VDAC1: variants seen among roughly 807,000 people sequenced by gnomAD.
VDAC1 encodes non-selective voltage-gated ion channel VDAC1.
Under a neutral mutation model 34.7 loss-of-function variants are expected in VDAC1, and 10 were observed. That is an observed-to-expected ratio of 0.29 (90% confidence interval 0.18 to 0.49). VDAC1 has a LOEUF of 0.49. Among genes scored for constraint, VDAC1 ranks in the 20% least tolerant of loss-of-function variants. The pLI is 0.99. For synonymous variants in VDAC1, 130 were observed against 136.0 expected (o/e 0.96, Z 0.30); for missense variants, 230 against 347.9 (o/e 0.66, Z 2.69).
At chr5:134,037,717 G>A in the VDAC1 span, among the ~76,000 whole-genome samples, 1 of 152,066 alleles carries the variant, frequency 6.6e-6, no homozygotes, top group Non-Finnish European at 1.5e-5. Flanking sequence ...AAAAACCCTT[G>A]CTTGTAAGCC....
chr5:133,972,976 C>T (rs1752355102), intron 8 of VDAC1, 114 bp from the exon 9 acceptor site: 2 of 783,214 alleles, frequency 2.6e-6, no homozygotes, highest in East Asian at 5.2e-5. Context: ...AGGGTCCAAA[C>T]TACATGGCCC....
chr5:134,057,959 T>C, the VDAC1 span, among the ~76,000 whole-genome samples: 11 of 150,566 alleles, frequency 7.3e-5, no homozygotes, highest in African/African-American at 2.7e-4. Flanking sequence ...TGCAGTGGCA[T>C]GATCTTGGCT....
At chr5:134,055,599 T>TG in the VDAC1 span, among the ~76,000 whole-genome samples, 463 of 134,888 alleles carry the variant, frequency 3.4e-3, 10 homozygotes, top group African/African-American at 0.012. Flanking sequence ...TTTTTTTTTT[T>TG]TTTTTTTTTT....
At chr5:133,988,884 T>C (rs1426911674) in intron 5 of VDAC1, 4 of 152,110 alleles carry the variant, frequency 2.6e-5, no homozygotes, top group African/African-American at 9.7e-5. Flanking sequence ...AATTCCAAAG[T>C]GTGCTATCCC....
chr5:133,987,322 C>G (rs1752942551), intron 5 of VDAC1, among the ~76,000 whole-genome samples: 1 of 151,902 alleles, frequency 6.6e-6, no homozygotes, highest in South Asian at 2.1e-4. Context: ...GATCATACCA[C>G]TGCACTCCAG....
chr5:134,019,848 T>G, the VDAC1 span, among the ~76,000 whole-genome samples: 1 of 152,126 alleles, frequency 6.6e-6, no homozygotes, highest in Admixed American at 6.5e-5. Flanking sequence ...TTCTCTAGCC[T>G]CCTCCTGAAT....
the VDAC1 span, among the ~76,000 whole-genome samples, chr5:134,109,091 A>C: frequency 6.6e-6 from 1 of 151,434 alleles, no homozygotes; most frequent in South Asian, 2.1e-4. Flanking sequence ...GGGCCTGCTA[A>C]CTACTTCCTG....
At chr5:134,041,157 G>A in the VDAC1 span, among the ~76,000 whole-genome samples, 1 of 152,222 alleles carries the variant, frequency 6.6e-6, no homozygotes. Context: ...TTCTCTTGAT[G>A]CTTCAAAGAC....
At chr5:134,039,100 G>A in the VDAC1 span, among the ~76,000 whole-genome samples, 1 of 152,148 alleles carries the variant, frequency 6.6e-6, no homozygotes, top group African/African-American at 2.4e-5. Context: ...CAAGCAAAGT[G>A]AAACCAATTC....
chr5:133,993,820 T>A (rs1324735331), intron 1 of VDAC1, among the ~76,000 whole-genome samples: 1 of 152,220 alleles, frequency 6.6e-6, no homozygotes, highest in Non-Finnish European at 1.5e-5. Context: ...GTAACTCAAA[T>A]AGTCTTTGCC....
At chr5:134,046,325 G>C in the VDAC1 span, among the ~76,000 whole-genome samples, 4 of 151,974 alleles carry the variant, frequency 2.6e-5, no homozygotes, top group African/African-American at 9.7e-5. Context: ...ACCATGCCCA[G>C]CCTTTTCATT....
the VDAC1 span, among the ~76,000 whole-genome samples, chr5:134,014,899 C>T: frequency 1.7e-4 from 26 of 152,170 alleles, no homozygotes; most frequent in African/African-American, 5.3e-4. Context: ...ACCAAAAAGA[C>T]AAATGCACAT....
the VDAC1 span, among the ~76,000 whole-genome samples, chr5:134,050,059 G>A: frequency 6.6e-6 from 1 of 152,044 alleles, no homozygotes; most frequent in South Asian, 2.1e-4. Context: ...GACCATCCTG[G>A]CCAACATGGT....
the VDAC1 span, among the ~76,000 whole-genome samples, chr5:134,047,753 C>G: frequency 6.6e-6 from 1 of 152,300 alleles, no homozygotes; most frequent in African/African-American, 2.4e-5. Context: ...CAAAACAAAT[C>G]TGCACATGGC....
chr5:134,052,824 G>T, the VDAC1 span, among the ~76,000 whole-genome samples: 1 of 152,090 alleles, frequency 6.6e-6, no homozygotes, highest in Non-Finnish European at 1.5e-5. Context: ...AAGTTAAGAA[G>T]CAGAAGCCCT....
At chr5:134,082,875 C>T in the VDAC1 span, among the ~76,000 whole-genome samples, 3 of 152,156 alleles carry the variant, frequency 2.0e-5, no homozygotes, top group African/African-American at 4.8e-5. Context: ...TATATGTCAT[C>T]AGGGAAATGC....
chr5:134,026,471 C>A, the VDAC1 span, among the ~76,000 whole-genome samples: 1 of 145,420 alleles, frequency 6.9e-6, no homozygotes, highest in African/African-American at 2.6e-5. Context: ...GCCAAGATCA[C>A]GCCACTGCAC....
At chr5:133,995,798 T>C (rs982454137) in intron 1 of VDAC1, among the ~76,000 whole-genome samples, 1 of 152,142 alleles carries the variant, frequency 6.6e-6, no homozygotes, top group African/African-American at 2.4e-5. Flanking sequence ...AATTTTATGA[T>C]AGAAATAATA....
chr5:134,044,752 T>C, the VDAC1 span, among the ~76,000 whole-genome samples: 6 of 152,216 alleles, frequency 3.9e-5, no homozygotes, highest in Non-Finnish European at 7.3e-5. Flanking sequence ...GTGTTGTCTG[T>C]GTATGTGTGC....
Sources: gnomAD v4.1 joint callset for allele counts (sites outside exome capture counted in the v4.1 genomes callset) on GRCh38, gnomAD v4.1.1 for gene constraint, MANE v1.5 for transcripts, NCBI Gene and HGNC (gene_info 2026-07-23, HGNC 2026-07-21) for gene names.